The following SSBP3 variants were observed in gnomAD, a reference collection of about 807,000 sequenced individuals.
SSBP3 encodes the protein single-stranded DNA-binding protein 3.
In SSBP3, 5 loss-of-function variants were observed where a neutral mutation model predicts 69.6. The observed-to-expected ratio is 0.07, with a 90% CI of 0.04 to 0.15. The LOEUF (loss-of-function observed/expected upper bound fraction) is 0.15. Ranked by LOEUF, SSBP3 falls within the 10% of genes least tolerant of loss-of-function variation. The pLI, the probability that SSBP3 is intolerant of heterozygous loss-of-function variation, is 1.00. For missense variants in SSBP3, 312 were observed against 534.0 expected (o/e 0.58, Z 4.10); for synonymous variants, 196 against 193.4 (o/e 1.01, Z -0.11).
chr1:54,259,689 G>A (rs565478291), intron 5 of SSBP3, among the ~76,000 whole-genome samples: 18 of 152,354 alleles, frequency 1.2e-4, no homozygotes, highest in Middle Eastern at 3.4e-3. Flanking sequence ...CCACTGGGGA[G>A]GAGGGGCGTG....
chr1:54,332,685 A>G (rs901424664), intron 4 of SSBP3, among the ~76,000 whole-genome samples: 9 of 152,136 alleles, frequency 5.9e-5, no homozygotes, highest in African/African-American at 1.9e-4. Flanking sequence ...AAGAGCTCCA[A>G]AAAGGCCACA....
intron 4 of SSBP3, among the ~76,000 whole-genome samples, chr1:54,292,600 G>A (rs187170885): frequency 8.5e-5 from 13 of 152,244 alleles, no homozygotes; most frequent in Admixed American, 4.6e-4. Context: ...ACTCCAGGGC[G>A]CAGGTCCAGG....
At chr1:54,263,406 G>A (rs371574119) in intron 5 of SSBP3, among the ~76,000 whole-genome samples, 1 of 152,128 alleles carries the variant, frequency 6.6e-6, no homozygotes, top group Non-Finnish European at 1.5e-5. Flanking sequence ...CGGTTCATTC[G>A]GAGTCCAGTT....
chr1:54,329,363 G>C (rs59004527), intron 4 of SSBP3, among the ~76,000 whole-genome samples: 2,328 of 152,358 alleles, frequency 0.015, 60 homozygotes, highest in African/African-American at 0.053. Context: ...ATTTTTAAAG[G>C]CATGTTAGAT....
chr1:54,412,717 T>A (rs1650023837), intron 1 of SSBP3: 1 of 152,160 alleles, frequency 6.6e-6, no homozygotes, highest in Non-Finnish European at 1.5e-5. Context: ...TATATTTTAC[T>A]GCAATATTTT....
intron 4 of SSBP3, among the ~76,000 whole-genome samples, chr1:54,389,713 A>T (rs1648347299): frequency 1.3e-5 from 2 of 151,922 alleles, no homozygotes; most frequent in South Asian, 4.2e-4. Flanking sequence ...ATAAAAAAAT[A>T]AAAAAACAGA....
chr1:54,318,675 C>T (rs941433635), intron 4 of SSBP3, among the ~76,000 whole-genome samples: 13 of 152,152 alleles, frequency 8.5e-5, no homozygotes, highest in Non-Finnish European at 1.5e-4. Flanking sequence ...GGAATGTGTC[C>T]ATAGCCTGCT....
At chr1:54,283,273 A>T (rs1386475351) in intron 4 of SSBP3, among the ~76,000 whole-genome samples, 35 of 14,766 alleles carry the variant, frequency 2.4e-3, no homozygotes, top group Admixed American at 8.6e-3. Context: ...CCCATCTCAT[A>T]AAAAAAAAAA....
intron 14 of SSBP3, among the ~76,000 whole-genome samples, chr1:54,235,560 A>G (rs757219838): frequency 6.7e-6 from 1 of 148,954 alleles, no homozygotes; most frequent in Non-Finnish European, 1.5e-5. Context: ...GGTTCAAGCA[A>G]TTCTGCCTCA....
At chr1:54,411,296 G>A (rs947166693), upstream of SSBP3, among the ~76,000 whole-genome samples, 26 of 152,064 alleles carry the variant, frequency 1.7e-4, 1 homozygote, top group South Asian at 1.7e-3. Context: ...CGGCCAACAT[G>A]GTGAAACCCC....
In SSBP3 at chr1:54,241,632, C is replaced by T. The variant is rs1002080092; in HGVS notation, c.766-123G>A. The T allele has an allele frequency of 1.6e-5, 16 of 1,008,772 alleles. No homozygotes were observed. In the African/African-American group the frequency reaches 2.4e-4, roughly 15 times the overall value. The allele number at this position is 1,008,772 out of a possible 1,614,324, so 62.5% of individuals were successfully genotyped here. ...CATCGCCACCCAGTGAGCTGGCCAC[C>T]CACTTGGTTCCCCTGGGAGGGCTGG... On this transcript the variant is annotated intron_variant, in intron 11 of 17. Coordinates refer to ENST00000610401, the Ensembl canonical transcript of SSBP3.
intron 4 of SSBP3, among the ~76,000 whole-genome samples, chr1:54,317,619 T>C (rs1646137352): frequency 3.3e-5 from 5 of 152,028 alleles, no homozygotes; most frequent in Admixed American, 3.3e-4. Context: ...TGGGCAGCCT[T>C]TTTTCCAAGT....
intron 14 of SSBP3, 52 bp from the exon 15 acceptor site, chr1:54,228,878 C>A (rs563757622): frequency 1.9e-6 from 3 of 1,563,668 alleles, no homozygotes; most frequent in South Asian, 2.3e-5. Context: ...GCCCTCTGCA[C>A]CCCTCACAGG....
intron 4 of SSBP3, among the ~76,000 whole-genome samples, chr1:54,285,835 G>C (rs567016118): frequency 6.6e-6 from 1 of 152,362 alleles, no homozygotes; most frequent in Admixed American, 6.5e-5. Flanking sequence ...CGGAAGAAGA[G>C]AGAAAAGAAC....
chr1:54,257,123 G>C lies in SSBP3; in HGVS notation c.507+4C>G. 1.9e-6 allele frequency: 3 copies of C among 1,602,714 alleles called. No homozygotes were observed. The highest frequency in any genetic ancestry group is 2.6e-6 in the Non-Finnish European group (3 of 1,175,914). On this transcript the variant is annotated splice_donor_region_variant and intron_variant, in intron 7 of 17. Coordinates refer to ENST00000610401, the Ensembl canonical transcript of SSBP3. ...GGGAGAGAGAACATGAAAAGGTACA[G>C]TACCTGGTTTCCCATTCTGATCGGG...
rs111477831 is a variant in SSBP3, at chr1:54,399,066, A to G, written c.276+2795T>C. Among the ~76,000 whole-genome samples the G allele has an allele frequency of 4.7e-3, 722 of 152,256 alleles. 20 individuals are homozygous for G. Among genetic ancestry groups the G allele is most frequent in the South Asian group, 0.041 (196 of 4,818 alleles). ...TGTCTCTAAAAGAACACCATTCAAG[A>G]CTCACTCACCCGCAAGTGACTTACT... is the stretch of plus-strand genomic sequence containing the variant. On this transcript the variant is annotated intron_variant, in intron 4 of 17. Coordinates refer to ENST00000610401, the Ensembl canonical transcript of SSBP3.
intron 7 of SSBP3, among the ~76,000 whole-genome samples, chr1:54,252,580 C>T (rs944565661): frequency 3.9e-5 from 6 of 152,030 alleles, no homozygotes; most frequent in Non-Finnish European, 8.8e-5. Flanking sequence ...GGGTACTAGA[C>T]GAGAACCCGG....
At chr1:54,411,806 G>C (rs182713386) in intron 1 of SSBP3, among the ~76,000 whole-genome samples, 17 of 149,288 alleles carry the variant, frequency 1.1e-4, no homozygotes, top group African/African-American at 4.2e-4. Flanking sequence ...GCAGGAGAAA[G>C]GCATGAACAC....
intron 4 of SSBP3, among the ~76,000 whole-genome samples, chr1:54,318,520 G>C (rs1276831303): frequency 6.6e-6 from 1 of 152,048 alleles, no homozygotes; most frequent in Non-Finnish European, 1.5e-5. Flanking sequence ...AAAACACCAA[G>C]CTATAGTTAC....
Sources: gnomAD v4.1 joint callset for allele counts (sites outside exome capture counted in the v4.1 genomes callset) on GRCh38, gnomAD v4.1.1 for gene constraint, MANE v1.5 for transcripts, NCBI Gene and HGNC (gene_info 2026-07-23, HGNC 2026-07-21) for gene names.